CDC14B: variants seen among roughly 807,000 people sequenced by gnomAD.
CDC14B encodes cell division cycle 14B.
Under a neutral mutation model 64.2 loss-of-function variants are expected in CDC14B, and 22 were observed. That is an observed-to-expected ratio of 0.34 (90% CI 0.24 to 0.49). The LOEUF (loss-of-function observed/expected upper bound fraction) is 0.49. Ranked by LOEUF, CDC14B falls within the 20% of genes least tolerant of loss-of-function variation. The probability of loss-of-function intolerance (pLI) is 0.99; values close to 1 mark genes in which losing one functional copy is unlikely to be tolerated. For missense variants in CDC14B, 498 were observed against 629.9 expected (o/e 0.79, Z 2.24); for synonymous variants, 191 against 215.8 (o/e 0.89, Z 1.01).
At chr9:96,507,123 G>A (rs1332307280) in intron 13 of CDC14B, among the ~76,000 whole-genome samples, 2 of 152,056 alleles carry the variant, frequency 1.3e-5, no homozygotes, top group East Asian at 3.9e-4. Flanking sequence ...GTGAAACCCC[G>A]TCTCTACTAA....
chr9:96,542,613 C>G (rs1371685311), intron 5 of CDC14B, among the ~76,000 whole-genome samples: 2 of 152,030 alleles, frequency 1.3e-5, no homozygotes, highest in Non-Finnish European at 2.9e-5. Flanking sequence ...CTCAGTGTCC[C>G]CAGTAGCAAG....
chr9:96,509,515 T>C (rs1193891188), intron 13 of CDC14B, among the ~76,000 whole-genome samples, 158 bp downstream of exon 13: 1 of 152,218 alleles, frequency 6.6e-6, no homozygotes, highest in Admixed American at 6.5e-5. Context: ...GTCCAGATTT[T>C]CTTAGATAAT....
intron 4 of CDC14B, among the ~76,000 whole-genome samples, chr9:96,554,594 A>G (rs564427984): frequency 7.9e-5 from 12 of 152,358 alleles, no homozygotes; most frequent in African/African-American, 2.9e-4. Flanking sequence ...GAACTTTAAA[A>G]GACTGTAATT....
intron 12 of CDC14B, 66 bp from the exon 13 acceptor site, chr9:96,509,855 A>C: frequency 9.7e-7 from 1 of 1,027,982 alleles, no homozygotes; most frequent in Non-Finnish European, 1.5e-6. Context: ...TTGACAGAGG[A>C]AAGTATTTTT....
chr9:96,528,505 G>C (rs910054557), intron 9 of CDC14B, among the ~76,000 whole-genome samples: 3 of 151,412 alleles, frequency 2.0e-5, no homozygotes, highest in South Asian at 2.1e-4. Context: ...CTGGGAAACA[G>C]AGTGAAAGTC....
At position 96,507,618 on chromosome 9, in the gene CDC14B, C is replaced by T. The variant is rs1255463092; in HGVS notation, c.1460+2055G>A. ...TTTAGTAGAGACAGAGTTTCACCAT[C>T]TTGGCCAGGCTGGTCTTGAACTCCT... On this transcript the variant is annotated intron_variant, in intron 13 of 13. Transcript: ENST00000375241. Among the ~76,000 whole-genome samples the T allele has an allele frequency of 2.6e-5, 4 of 151,928 alleles. 1 individual carries two copies. Among genetic ancestry groups the T allele is most frequent in the African/African-American group, 9.7e-5 (4 of 41,380 alleles).
At chr9:96,522,784 C>T (rs575777090) in intron 11 of CDC14B, among the ~76,000 whole-genome samples, 181 bp from the exon 12 acceptor site, 2 of 152,140 alleles carry the variant, frequency 1.3e-5, no homozygotes, top group Non-Finnish European at 1.5e-5. Flanking sequence ...CTTTCAGAGA[C>T]AACACAGCAG....
chr9:96,524,222 G>A (rs1837222337), intron 9 of CDC14B, among the ~76,000 whole-genome samples: 1 of 152,210 alleles, frequency 6.6e-6, no homozygotes, highest in African/African-American at 2.4e-5. Context: ...TTATACACTT[G>A]AGCCACCACG....
chr9:96,539,061 G>A lies in CDC14B; in HGVS notation c.627+17C>T, dbSNP rs1381809053. 2.6e-6 allele frequency: 4 copies of A among 1,558,362 alleles called. No individual in the cohort carries two copies. Among genetic ancestry groups the A allele is most frequent in the Non-Finnish European group, 3.5e-6 (4 of 1,130,988 alleles). On this transcript the variant is annotated intron_variant, in intron 7 of 13. Transcript: ENST00000375241. The stretch of plus-strand genomic sequence containing the variant: ...CGGGGGGAGGAAGAGTTGAAAACAT[G>A]ATCCTTGAAGACTTACTTCATAGTG...
rs569700250 is a variant in CDC14B, at chr9:96,510,870, A to G, written c.1344-1081T>C. Among the ~76,000 whole-genome samples, 43 of 152,240 alleles carry G rather than the reference A, an allele frequency of 2.8e-4. No homozygotes were observed. In the South Asian group the frequency reaches 8.9e-3, roughly 32 times the overall value. On this transcript the variant is annotated intron_variant, in intron 12 of 13. Coordinates refer to ENST00000375241, the MANE Select transcript of CDC14B (RefSeq NM_033331.4). ...ATTCGCCCACCTCACTTACTCCCAA[A>G]GTGCTGGGATTACAGGTGTGAGCCA... is the stretch of plus-strand genomic sequence containing the variant.
At chr9:96,571,179 A>ATT (rs60431469) in intron 1 of CDC14B, among the ~76,000 whole-genome samples, 21 of 146,238 alleles carry the variant, frequency 1.4e-4, no homozygotes, top group African/African-American at 4.2e-4. Flanking sequence ...CGAAAAAAAA[A>ATT]TTTTTTTTTT....
chr9:96,565,696 G>GT (rs1240478892), intron 1 of CDC14B, among the ~76,000 whole-genome samples: 1 of 152,118 alleles, frequency 6.6e-6, no homozygotes, highest in African/African-American at 2.4e-5. Context: ...GCCTTTAACC[G>GT]TAAGTTTCAA....
chr9:96,558,642 C>G (rs1842785984), intron 4 of CDC14B, among the ~76,000 whole-genome samples: 1 of 152,144 alleles, frequency 6.6e-6, no homozygotes, highest in Admixed American at 6.5e-5. Flanking sequence ...TCCAACTTTT[C>G]TTTCCAAAAG....
chr9:96,515,126 AAG>A lies in CDC14B; in HGVS notation c.1344-5339_1344-5338del, dbSNP rs965581507. Among the ~76,000 whole-genome samples the A allele has an allele frequency of 1.3e-5, 2 of 152,222 alleles. No individual in the cohort carries two copies. Among genetic ancestry groups the A allele is most frequent in the African/African-American group, 4.8e-5 (2 of 41,464 alleles). On this transcript the variant is annotated intron_variant, in intron 12 of 13. Coordinates refer to ENST00000375241, the MANE Select transcript of CDC14B (RefSeq NM_033331.4). The surrounding 1 kb of genome is among the most constrained non-coding windows in gnomAD (Gnocchi z 4.3). ...ACAGAGCAGGAAATTCTGCACACTA[AAG>A]AGAGAAGACTTATGAGAGAGCTGCT...
chr9:96,563,580 G>A (rs879751913), intron 3 of CDC14B, among the ~76,000 whole-genome samples: 1 of 151,522 alleles, frequency 6.6e-6, no homozygotes. Flanking sequence ...AACCAGGGGG[G>A]TGGAGGTTAT....
intron 4 of CDC14B, among the ~76,000 whole-genome samples, chr9:96,561,515 G>C (rs559723640): frequency 2.2e-4 from 34 of 152,286 alleles, no homozygotes; most frequent in African/African-American, 7.7e-4. Context: ...GTCTCGCTCT[G>C]TCGCCCAGGC....
intron 1 of CDC14B, among the ~76,000 whole-genome samples, chr9:96,580,928 T>C (rs536456179): frequency 6.6e-6 from 1 of 152,202 alleles, no homozygotes; most frequent in Non-Finnish European, 1.5e-5. Flanking sequence ...TAAATTTATA[T>C]GTATAAAAAT....
chr9:96,530,296 GTT>G (rs59113647), intron 9 of CDC14B, among the ~76,000 whole-genome samples: 6 of 142,298 alleles, frequency 4.2e-5, no homozygotes, highest in Admixed American at 1.4e-4. Context: ...TTCTCTCTCT[GTT>G]TTTTTTTTTT....
At chr9:96,618,572 G>A (rs747839653) in intron 1 of CDC14B, 1 of 533,278 alleles carries the variant, frequency 1.9e-6, no homozygotes, top group Non-Finnish European at 3.8e-6. Flanking sequence ...TGCCACCAAC[G>A]TGACACCTTC....
Sources: allele counts gnomAD v4.1 joint callset (sites outside exome capture counted in the v4.1 genomes callset), GRCh38; gene constraint gnomAD v4.1.1; non-coding constraint Gnocchi (gnomAD v3.1); transcripts MANE v1.5; gene names NCBI Gene and HGNC (gene_info 2026-07-23, HGNC 2026-07-21).